The following COMMD9 variants were observed in gnomAD, a reference collection of about 807,000 sequenced individuals.
COMMD9 encodes COMM domain containing 9.
In COMMD9, 22 loss-of-function variants were observed where a neutral mutation model predicts 23.4. The observed-to-expected ratio is 0.94, with a 90% CI of 0.67 to 1.34. The LOEUF is 1.34. Ranked by LOEUF, COMMD9 falls within the 40% of genes most tolerant of loss-of-function variation. The probability of loss-of-function intolerance (pLI) is 0.00; values close to 1 mark genes in which losing one functional copy is unlikely to be tolerated. For missense variants in COMMD9, 231 were observed against 240.2 expected, an observed-to-expected ratio of 0.96 and a Z score of 0.25; for synonymous variants, 99 against 97.4, an observed-to-expected ratio of 1.02 and a Z score of -0.10.
At chr11:36,277,473 C>T (rs907983976) in intron 3 of COMMD9, among the ~76,000 whole-genome samples, 1 of 152,194 alleles carries the variant, frequency 6.6e-6, no homozygotes, top group African/African-American at 2.4e-5. Flanking sequence ...CTACTGCATA[C>T]ACAAATATTG....
chr11:36,287,609 TA>T (rs773867995), intron 1 of COMMD9, among the ~76,000 whole-genome samples: 2 of 151,880 alleles, frequency 1.3e-5, no homozygotes, highest in Non-Finnish European at 2.9e-5. Context: ...AAAGTCTAAG[TA>T]TTTTTTTAAA....
In COMMD9 at chr11:36,282,790, G is replaced by GATCCTCC. The variant is rs1438036164; in HGVS notation, c.52-1954_52-1953insGGAGGAT. 7.2e-5 allele frequency among the ~76,000 whole-genome samples: 11 copies of GATCCTCC among 152,330 alleles called. No individual in the cohort carries two copies. In the South Asian group the frequency reaches 1.7e-3, roughly 23 times the overall value. On this transcript the variant is annotated intron_variant, in intron 1 of 5. Coordinates refer to ENST00000263401, the MANE Select transcript of COMMD9 (RefSeq NM_014186.4). ...GGGGGAAATGGGTCACATGATCACAGAGGCAAAGTCCCACAATAGGCCGTC... is the reference window on the plus strand; with the variant it reads ...GGGGGAAATGGGTCACATGATCACAGATCCTCCAGGCAAAGTCCCACAATAGGCCGTC...
rs1855896365 is a variant in COMMD9 at position 36,272,615 on chromosome 11, G to A, written c.*2017C>T. The A allele has an allele frequency of 6.6e-6, 1 of 152,190 alleles. No individual in the cohort carries two copies. The highest frequency in any genetic ancestry group is 1.5e-5 in the Non-Finnish European group (1 of 68,040). The allele number at this position is 152,190 out of a possible 1,614,324, so 9.4% of individuals were successfully genotyped here. A position where few individuals can be genotyped will look rare whatever the true frequency, so the allele number is the denominator to read the frequency against. ...TAGCGGGCTGGCTTCTGGGGTCCTT[G>A]ACCTCTTGTCGTTGCATGCAAAAAA... On this transcript the variant is annotated 3_prime_UTR_variant, in exon 6 of 6. Transcript: ENST00000263401.
At chr11:36,283,109 GT>G (rs1294620298) in intron 1 of COMMD9, among the ~76,000 whole-genome samples, 2 of 152,178 alleles carry the variant, frequency 1.3e-5, no homozygotes, top group Admixed American at 1.3e-4. Context: ...CAATGGGATG[GT>G]ACCTGCCCAC....
rs1405387109 is a variant in COMMD9 at position 36,274,785 on chromosome 11, C to A, written c.457-13G>T. On this transcript the variant is annotated splice_polypyrimidine_tract_variant and intron_variant, in intron 5 of 5. Coordinates refer to ENST00000263401, the MANE Select transcript of COMMD9 (RefSeq NM_014186.4). ...GATCTTCTTGGATCTGAAACGAGAA[C>A]ACAGCCCAGAAAGTCAAAGCTGCCT... 6.2e-7 allele frequency: 1 copy of A among 1,613,922 alleles called. No individual in the cohort carries two copies. Among genetic ancestry groups the A allele is most frequent in the Non-Finnish European group, 8.5e-7 (1 of 1,179,932 alleles).
rs1855894460 is a variant in COMMD9, at chr11:36,272,524, A to C, written c.*2108T>G. 6.6e-6 allele frequency: 1 copy of C among 152,184 alleles called. No homozygotes were observed. The highest frequency in any genetic ancestry group is 1.5e-5 in the Non-Finnish European group (1 of 68,054). The allele number at this position is 152,184 out of a possible 1,614,324, so 9.4% of individuals were successfully genotyped here. On this transcript the variant is annotated 3_prime_UTR_variant, in exon 6 of 6. Transcript: ENST00000263401. ...GTCATGGGGAATGGAAGGAAAGGAG[A>C]GGGGTAAATTTGTGACAAATCTGAG...
At chr11:36,286,410 A>AAAAAG (rs1285648187) in intron 1 of COMMD9, among the ~76,000 whole-genome samples, 29 of 104,826 alleles carry the variant, frequency 2.8e-4, no homozygotes, top group African/African-American at 1.1e-3. Flanking sequence ...AAAAAAAAAA[A>AAAAAG]AAAGAAAGAA....
At chr11:36,288,995 T>C (rs1056476462) in intron 1 of COMMD9, among the ~76,000 whole-genome samples, 1 of 152,030 alleles carries the variant, frequency 6.6e-6, no homozygotes, top group Non-Finnish European at 1.5e-5. Context: ...CAGTAGGAGA[T>C]AATTTCTTAA....
chr11:36,285,039 G>T (rs1171413408), intron 1 of COMMD9, among the ~76,000 whole-genome samples: 1 of 152,092 alleles, frequency 6.6e-6, no homozygotes, highest in Non-Finnish European at 1.5e-5. Context: ...AGAAACCAAT[G>T]AAATTGAAAA....
chr11:36,282,513 G>GAA (rs147017691), intron 1 of COMMD9, among the ~76,000 whole-genome samples: 1 of 150,464 alleles, frequency 6.6e-6, no homozygotes, highest in African/African-American at 2.4e-5. Context: ...TGCTGAAAGG[G>GAA]AAAAAAAAAC....
rs11033522 is a variant in COMMD9, at chr11:36,276,511, T to G, written c.353-271A>C. On this transcript the variant is annotated intron_variant, in intron 4 of 5. Coordinates refer to ENST00000263401, the MANE Select transcript of COMMD9 (RefSeq NM_014186.4). ...CAGCCCTCCAGATGTTAGGGCAGAA[T>G]GAGAAGTGACATAAAGCAGAGAAGA... 489 of 389,824 alleles carry G rather than the reference T, an allele frequency of 1.3e-3. 2 individuals carry two copies. The highest frequency in any genetic ancestry group is 9.3e-3 in the African/African-American group (469 of 50,644). The allele number at this position is 389,824 out of a possible 1,614,324, so 24.1% of individuals were successfully genotyped here. A position where few individuals can be genotyped will look rare whatever the true frequency, so the allele number is the denominator to read the frequency against.
intron 2 of COMMD9, 119 bp downstream of exon 2, chr11:36,280,593 T>G: frequency 1.0e-6 from 1 of 998,076 alleles, no homozygotes. Context: ...TTATAAAAGT[T>G]TGCTACAGTG....
Position 36,276,165 on chromosome 11 carries a change from G to A in COMMD9, c.428C>T (p.Ala143Val), listed in dbSNP as rs74559365. 1 of 1,613,966 alleles carries A rather than the reference G, an allele frequency of 6.2e-7. No homozygotes were observed. The highest frequency in any genetic ancestry group is 8.5e-7 in the Non-Finnish European group (1 of 1,179,872). ...KTSSDSISRM[A>V]VPTCLLQMKI... Reference sequence around the variant, plus strand: ...CATCTGGAGCAGGCAGGTGGGGACGGCCATGCGGCTGATGCTGTCTGAGGA... The same window carrying A: ...CATCTGGAGCAGGCAGGTGGGGACGACCATGCGGCTGATGCTGTCTGAGGA... The change falls in exon 5 of 6, where the codon GCC becomes GTC. Residue 143 changes from alanine (A) to valine (V), a missense_variant. Coordinates refer to ENST00000263401, the MANE Select transcript of COMMD9 (RefSeq NM_014186.4).
intron 1 of COMMD9, among the ~76,000 whole-genome samples, chr11:36,282,255 A>G (rs1856078877): frequency 6.6e-6 from 1 of 152,170 alleles, no homozygotes; most frequent in South Asian, 2.1e-4. Flanking sequence ...AATAGCTCAA[A>G]ACTTCTCAAG....
chr11:36,279,603 T>C (rs1272542797), intron 2 of COMMD9, among the ~76,000 whole-genome samples: 1 of 152,212 alleles, frequency 6.6e-6, no homozygotes, highest in Admixed American at 6.5e-5. Context: ...TCCCAAGTTT[T>C]CCATAGCAGT....
chr11:36,274,847 C>T (rs1464337051), intron 5 of COMMD9, 75 bp from the exon 6 acceptor site: 30 of 1,561,948 alleles, frequency 1.9e-5, no homozygotes, highest in African/African-American at 4.1e-5. Context: ...CCTGAACCTG[C>T]GAGGCTGAGC....
At chr11:36,284,438 G>A (rs1345185906) in intron 1 of COMMD9, among the ~76,000 whole-genome samples, 1 of 152,104 alleles carries the variant, frequency 6.6e-6, no homozygotes, top group Non-Finnish European at 1.5e-5. Context: ...ATACAGCTGA[G>A]GACTTCAACA....
chr11:36,280,742 G>C lies in COMMD9; in HGVS notation c.147C>G (p.Ser49Arg). 1.2e-6 allele frequency: 2 copies of C among 1,609,444 alleles called. No homozygotes were observed. The highest frequency in any genetic ancestry group is 1.7e-6 in the Non-Finnish European group (2 of 1,177,132). Residue 49 changes from serine to arginine, a missense_variant, in exon 2 of 6, where the codon AGC becomes AGG. Transcript: ENST00000263401. ...LKKLLDVTCS[S>R]LSVTQEEAEE... ...CTGCCTCCTCCTGGGTCACAGACAA[G>C]CTGGAACATGTAACATCCAAGAGTT...
Position 36,286,743 on chromosome 11 carries a change from A to C in COMMD9, c.51+2619T>G, listed in dbSNP as rs540477150. ...CATGGAATACCACTCAGCAATAAAA[A>C]GGAAAGAACTATTGATACACACAAC... On this transcript the variant is annotated intron_variant, in intron 1 of 5. Transcript: ENST00000263401. 3.3e-5 allele frequency among the ~76,000 whole-genome samples: 5 copies of C among 152,356 alleles called. No individual in the cohort carries two copies. The East Asian group carries it at 9.6e-4, about 29-fold the overall frequency.
Sources: gnomAD v4.1 joint callset for allele counts (sites outside exome capture counted in the v4.1 genomes callset) on GRCh38, gnomAD v4.1.1 for gene constraint, MANE v1.5 for transcripts, NCBI Gene and HGNC (gene_info 2026-07-23, HGNC 2026-07-21) for gene names.